The following TMEM135 variants were observed in gnomAD, a reference collection of about 807,000 sequenced individuals.
TMEM135 encodes the protein transmembrane protein 135.
In TMEM135, 30 loss-of-function variants were observed where a neutral mutation model predicts 60.3. The observed-to-expected ratio is 0.50, with a 90% CI of 0.37 to 0.68. The LOEUF (loss-of-function observed/expected upper bound fraction) is 0.68, where lower values mean the gene tolerates loss of function less well. Ranked by LOEUF, TMEM135 falls within the 30% of genes least tolerant of loss-of-function variation. The pLI, the probability that TMEM135 is intolerant of heterozygous loss-of-function variation, is 0.00. For synonymous variants in TMEM135, 190 were observed against 186.7 expected (o/e 1.02, Z -0.14); for missense variants, 468 against 548.8 (o/e 0.85, Z 1.47).
chr11:87,178,418 C>T (rs778290575), intron 5 of TMEM135: 2 of 456,028 alleles, frequency 4.4e-6, no homozygotes, highest in South Asian at 3.1e-5. Flanking sequence ...TTTGAGTCTG[C>T]CTTCCTTTCC....
intron 4 of TMEM135, among the ~76,000 whole-genome samples, chr11:87,143,733 G>C (rs943119937): frequency 6.6e-6 from 1 of 152,086 alleles, no homozygotes; most frequent in Admixed American, 6.6e-5. Context: ...TTCAGAATTT[G>C]TGTCTCAGTC....
At chr11:87,163,482 A>G (rs368624058) in intron 5 of TMEM135, among the ~76,000 whole-genome samples, 1 of 151,314 alleles carries the variant, frequency 6.6e-6, no homozygotes, top group East Asian at 2.0e-4. Flanking sequence ...ATTGTGAATA[A>G]TGCTGCAATA....
intron 5 of TMEM135, among the ~76,000 whole-genome samples, chr11:87,226,321 A>G (rs1193457652): frequency 2.0e-5 from 3 of 152,176 alleles, no homozygotes; most frequent in African/African-American, 7.2e-5. Flanking sequence ...GTATACTTGA[A>G]TTAGTATTCT....
chr11:87,126,205 T>C (rs752354355), intron 4 of TMEM135, among the ~76,000 whole-genome samples: 3 of 152,280 alleles, frequency 2.0e-5, no homozygotes, highest in East Asian at 3.9e-4. Flanking sequence ...AAAATCAACA[T>C]AAATCTTTAT....
intron 5 of TMEM135, among the ~76,000 whole-genome samples, chr11:87,206,096 A>C (rs1565485858): frequency 6.6e-6 from 1 of 152,186 alleles, no homozygotes; most frequent in East Asian, 1.9e-4. Flanking sequence ...ATTCATTTGC[A>C]ATATGTTTAT....
At chr11:87,262,989 A>G (rs1941680580) in intron 6 of TMEM135, among the ~76,000 whole-genome samples, 1 of 150,104 alleles carries the variant, frequency 6.7e-6, no homozygotes. Flanking sequence ...AAAGCATTCA[A>G]CTCAGTTTTC....
At chr11:87,241,859 T>A (rs201995883) in intron 6 of TMEM135, among the ~76,000 whole-genome samples, 6 of 151,806 alleles carry the variant, frequency 4.0e-5, no homozygotes, top group Non-Finnish European at 7.4e-5. Context: ...TAAAAAAAAA[T>A]TTATTATTAT....
At chr11:87,096,426 G>A (rs1030175910) in intron 4 of TMEM135, 5 of 152,538 alleles carry the variant, frequency 3.3e-5, no homozygotes, top group African/African-American at 1.2e-4. Flanking sequence ...TGCTGGGTGG[G>A]TGCGGCTTTC....
At chr11:87,168,362 G>A (rs568661969) in intron 5 of TMEM135, among the ~76,000 whole-genome samples, 4 of 151,790 alleles carry the variant, frequency 2.6e-5, no homozygotes, top group Non-Finnish European at 5.9e-5. Flanking sequence ...GAATTTGTTA[G>A]CTTTTGCTTT....
chr11:87,122,162 C>G (rs1190810380), intron 4 of TMEM135, among the ~76,000 whole-genome samples: 1 of 151,970 alleles, frequency 6.6e-6, no homozygotes, highest in Non-Finnish European at 1.5e-5. Flanking sequence ...TATTTTCTGC[C>G]TACATTATAC....
intron 5 of TMEM135, among the ~76,000 whole-genome samples, chr11:87,189,181 T>G (rs767420428): frequency 3.3e-5 from 4 of 121,038 alleles, no homozygotes; most frequent in East Asian, 2.1e-4. Context: ...TTCTTTGCTT[T>G]CTTTCTTCTC....
At chr11:87,159,651 A>G (rs575357500) in intron 5 of TMEM135, among the ~76,000 whole-genome samples, 1 of 145,930 alleles carries the variant, frequency 6.9e-6, no homozygotes, top group Admixed American at 7.1e-5. Flanking sequence ...GCTAAATGCT[A>G]TGGAAATGGG....
At chr11:87,287,805 TA>T (rs1942195195) in intron 6 of TMEM135, among the ~76,000 whole-genome samples, 2 of 152,324 alleles carry the variant, frequency 1.3e-5, no homozygotes, top group South Asian at 4.1e-4. Context: ...TTATTTCAGA[TA>T]GTTGTTTTGT....
At chr11:87,129,722 G>A (rs1937861530) in intron 4 of TMEM135, among the ~76,000 whole-genome samples, 1 of 151,730 alleles carries the variant, frequency 6.6e-6, no homozygotes, top group Admixed American at 6.6e-5. Context: ...TGTATTTTTA[G>A]TAGAGATGTG....
At position 87,286,484 on chromosome 11, in the gene TMEM135, G is replaced by A. The variant is rs189759786; in HGVS notation, c.510-9298G>A. Among the ~76,000 whole-genome samples the A allele has an allele frequency of 5.5e-3, 840 of 152,352 alleles. 5 individuals carry two copies. Among genetic ancestry groups the A allele is most frequent in the Admixed American group, 9.9e-3 (152 of 15,310 alleles). On this transcript the variant is annotated intron_variant, in intron 6 of 14. Coordinates refer to ENST00000305494, the MANE Select transcript of TMEM135 (RefSeq NM_022918.4). ...CTAGTGGACCCTGCGCCAGGGCCACGGGCGGAGCTGCCTGCCAGTCCCGTG... is the reference window on the plus strand; with the variant it reads ...CTAGTGGACCCTGCGCCAGGGCCACAGGCGGAGCTGCCTGCCAGTCCCGTG...
In TMEM135 at chr11:87,322,318, A is replaced by T. The variant is rs1230218170; in HGVS notation, c.*985A>T. On this transcript the variant is annotated 3_prime_UTR_variant, in exon 15 of 15. Transcript: ENST00000305494. ...TATGTAATGGATGTTTTGCACCTGA[A>T]AACACTATAAAAATCCAGTGGTTGT... The T allele has an allele frequency of 2.2e-6, 1 of 454,054 alleles. No individual in the cohort carries two copies. The highest frequency in any genetic ancestry group is 7.0e-5 in the East Asian group (1 of 14,388). The allele number at this position is 454,054 out of a possible 1,614,324, so 28.1% of individuals were successfully genotyped here. A position where few individuals can be genotyped will look rare whatever the true frequency, so the allele number is the denominator to read the frequency against.
At chr11:87,272,455 G>T (rs4944693) in intron 6 of TMEM135, among the ~76,000 whole-genome samples, 53,579 of 150,926 alleles carry the variant, frequency 0.36, 10,005 homozygotes, top group Non-Finnish European at 0.42. Context: ...TCTTAAAAAA[G>T]TTTTTTTTTA....
In TMEM135 at chr11:87,285,734, C is replaced by G. The variant is rs370882962; in HGVS notation, c.510-10048C>G. On this transcript the variant is annotated intron_variant, in intron 6 of 14. Coordinates refer to ENST00000305494, the MANE Select transcript of TMEM135 (RefSeq NM_022918.4). The stretch of plus-strand genomic sequence containing the variant: ...AGCTTTCACAGCGTGGAAGGGGACC[C>G]GAGCAGGTTGGCACTGCTGACTCTG... 1.6e-4 allele frequency among the ~76,000 whole-genome samples: 24 copies of G among 152,310 alleles called. No homozygotes were observed. The East Asian group carries it at 4.4e-3, about 28-fold the overall frequency.
At chr11:87,055,922 G>A (rs963764002) in intron 1 of TMEM135, among the ~76,000 whole-genome samples, 5 of 152,128 alleles carry the variant, frequency 3.3e-5, no homozygotes, top group Non-Finnish European at 5.9e-5. Context: ...GGGCAAGTCC[G>A]CAGCGCAAAG....
Sources: allele counts gnomAD v4.1 joint callset (sites outside exome capture counted in the v4.1 genomes callset), GRCh38; gene constraint gnomAD v4.1.1; transcripts MANE v1.5; gene names NCBI Gene and HGNC (gene_info 2026-07-23, HGNC 2026-07-21).